The following ALAS2 variants were observed in gnomAD, a reference collection of about 807,000 sequenced individuals.
The protein encoded by ALAS2 is 5'-aminolevulinate synthase 2.
Under a neutral mutation model 33.7 loss-of-function variants are expected in ALAS2, and 3 were observed. The observed-to-expected ratio is 0.09, with a 90% CI of 0.04 to 0.23. ALAS2 has a LOEUF of 0.23. Ranked by LOEUF, ALAS2 falls within the 10% of genes least tolerant of loss-of-function variation. The pLI is 1.00. For missense variants in ALAS2, 304 were observed against 475.1 expected, an observed-to-expected ratio of 0.64 and a Z score of 3.35; for synonymous variants, 191 against 177.3, an observed-to-expected ratio of 1.08 and a Z score of -0.61.
At chrX:55,024,113 G>T (rs769516723) in intron 3 of ALAS2, among the ~76,000 whole-genome samples, 1 of 111,989 alleles carries the variant, frequency 8.9e-6, no homozygotes, top group Admixed American at 9.4e-5. Context: ...TTTTCCCTTG[G>T]CTCAGGTAAC....
At chrX:55,011,209 G>T (rs1935597005) in intron 10 of ALAS2, among the ~76,000 whole-genome samples, 1 of 111,590 alleles carries the variant, frequency 9.0e-6, no homozygotes, top group Non-Finnish European at 1.9e-5. Flanking sequence ...TCCAAATTTT[G>T]GACTATACAT....
At chrX:55,024,914 C>A (rs1472628296) in intron 2 of ALAS2, 74 bp from the exon 3 acceptor site, 3 of 1,143,874 alleles carry the variant, frequency 2.6e-6, no homozygotes, top group Non-Finnish European at 3.6e-6. Context: ...TTGCTGAGAT[C>A]TAATGTACCC....
chrX:55,011,765 C>T (rs763836767), intron 10 of ALAS2, among the ~76,000 whole-genome samples: 1 of 111,366 alleles, frequency 9.0e-6, no homozygotes, highest in African/African-American at 3.3e-5. Flanking sequence ...ACTGAGAGCT[C>T]TACAATTGAA....
chrX:55,017,436 G>A, intron 7 of ALAS2, 50 bp downstream of exon 7: 1 of 1,050,050 alleles, frequency 9.5e-7, no homozygotes, highest in Non-Finnish European at 1.3e-6. Flanking sequence ...TGATCATCAT[G>A]GTTTTTGTGA....
chrX:55,010,801 A>AT (rs1277210485), intron 10 of ALAS2, among the ~76,000 whole-genome samples: 8 of 111,086 alleles, frequency 7.2e-5, no homozygotes, highest in Admixed American at 5.8e-4. Context: ...ATTTTTGGTA[A>AT]TTTTTTTTAC....
At chrX:55,022,963 A>G (rs1935829172) in intron 4 of ALAS2, among the ~76,000 whole-genome samples, 1 of 111,877 alleles carries the variant, frequency 8.9e-6, no homozygotes, top group Non-Finnish European at 1.9e-5. Context: ...AATACTATAC[A>G]TTTTCTTTGA....
At chrX:55,010,186 A>G (rs1034578518) in intron 10 of ALAS2, among the ~76,000 whole-genome samples, 12 of 111,220 alleles carry the variant, frequency 1.1e-4, no homozygotes, top group Admixed American at 3.8e-4. Flanking sequence ...TCTACCTTCA[A>G]AATCTGACCA....
chrX:55,015,344 A>G (rs747253821), intron 8 of ALAS2, among the ~76,000 whole-genome samples: 15 of 111,482 alleles, frequency 1.3e-4, no homozygotes, highest in Non-Finnish European at 2.6e-4. Flanking sequence ...TCACATACTC[A>G]AGTTGAATCT....
chrX:55,017,845 C>G (rs1484990864), intron 6 of ALAS2, among the ~76,000 whole-genome samples, 180 bp from the exon 7 acceptor site: 1 of 112,054 alleles, frequency 8.9e-6, no homozygotes, highest in Non-Finnish European at 1.9e-5. Flanking sequence ...CTTCACTGTT[C>G]CCAAATTCTG....
In ALAS2 at chrX:55,013,665, G is replaced by A. The variant is rs369001852; in HGVS notation, c.1438-17C>T. 4 of 1,210,213 alleles carry A rather than the reference G, an allele frequency of 3.3e-6. No homozygotes were observed. The highest frequency in any genetic ancestry group is 5.9e-5 in the East Asian group (2 of 33,820). On this transcript the variant is annotated splice_polypyrimidine_tract_variant and intron_variant, in intron 9 of 10. Transcript: ENST00000650242. ...ATTGCCCACCTGGACTCAGGAGAAA[G>A]GCTAATCAGTACCTGCCACTCTGGC... is the stretch of plus-strand genomic sequence containing the variant.
In ALAS2 at chrX:55,025,868, C is replaced by G; in HGVS notation, c.133G>C (p.Gly45Arg). The change falls in exon 2 of 11, where the codon GGA (glycine) becomes CGA (arginine). Residue 45 changes from glycine (G) to arginine (R), a missense_variant. Transcript: ENST00000650242. ...IGRCPILATQ[G>R]PNCSQIHLKA... ...AGGTGGATTTGAGAACAGTTTGGTC[C>G]TTGGGTAGCCAGGATGGGACAGCGT... is the stretch of plus-strand genomic sequence containing the variant. 8.3e-7 allele frequency: 1 copy of G among 1,211,747 alleles called. No individual in the cohort carries two copies. The highest frequency in any genetic ancestry group is 1.1e-6 in the Non-Finnish European group (1 of 895,554).
intron 1 of ALAS2, chrX:55,027,965 C>T: frequency 4.2e-6 from 2 of 476,475 alleles, no homozygotes; most frequent in East Asian, 7.5e-5. Context: ...TAAATGTTAG[C>T]TTTTCTTATT....
Position 55,024,837 on chromosome X carries a change from G to A in ALAS2, c.185C>T (p.Ser62Phe), listed in dbSNP as rs746002853. Residue 62 changes from serine to phenylalanine, a missense_variant, in exon 3 of 11, where the codon TCT becomes TTT. Physicochemically the swap from Ser to Phe is radical, Grantham distance 155. Coordinates refer to ENST00000650242, the MANE Select transcript of ALAS2 (RefSeq NM_000032.5). ...ACAGTGGCCCTTCGCCCAAGATGGA[G>A]AATCTATGCAAAGGTAAGAGAGTAA... ...HLKATKAGGD[S>F]PSWAKGHCPF... 12 of 1,209,894 alleles carry A rather than the reference G, an allele frequency of 9.9e-6. No homozygotes were observed. The South Asian group carries it at 1.2e-4, about 12-fold the overall frequency.
At chrX:55,030,452 A>C (rs1313808480) in intron 1 of ALAS2, among the ~76,000 whole-genome samples, 1 of 111,422 alleles carries the variant, frequency 9.0e-6, no homozygotes, top group Non-Finnish European at 1.9e-5. Context: ...GCTCTGACCC[A>C]CTGAGCTCTG....
Position 55,023,860 on chromosome X carries a change from A to C in ALAS2, c.312T>G (p.Pro104=). Reference sequence around the variant, plus strand: ...TTAGGCTGACTGAGACCAGGGAGCTAGGCAGATCTGAGACGGAATGTGAGA... The same window carrying C: ...TTAGGCTGACTGAGACCAGGGAGCTCGGCAGATCTGAGACGGAATGTGAGA... ...EDVKAFKTDL[P]SSLVSVSLRK... is the part of the protein sequence containing the mutation. Residue 104 remains proline (P), a synonymous_variant, in exon 4 of 11, where the codon CCT becomes CCG. Coordinates refer to ENST00000650242, the MANE Select transcript of ALAS2 (RefSeq NM_000032.5). 2.5e-6 allele frequency: 3 copies of C among 1,204,362 alleles called. No individual in the cohort carries two copies. The highest frequency in any genetic ancestry group is 3.4e-6 in the Non-Finnish European group (3 of 889,196).
intron 6 of ALAS2, among the ~76,000 whole-genome samples, chrX:55,018,400 T>C (rs12011419): frequency 0.041 from 4,554 of 111,048 alleles, 238 homozygotes; most frequent in African/African-American, 0.14. Context: ...AAGGGATAAC[T>C]TCCACCTGAG....
chrX:55,029,174 A>G (rs1935947143), intron 1 of ALAS2, among the ~76,000 whole-genome samples: 1 of 112,110 alleles, frequency 8.9e-6, no homozygotes, highest in African/African-American at 3.2e-5. Flanking sequence ...ACATGAATAT[A>G]CCAGGCTGGG....
At position 55,009,294 on chromosome X, in the gene ALAS2, C is replaced by T; in HGVS notation, c.1650G>A (p.Val550=). 1 of 1,205,305 alleles carries T rather than the reference C, an allele frequency of 8.3e-7. No individual in the cohort carries two copies. Among genetic ancestry groups the T allele is most frequent in the East Asian group, 3.0e-5 (1 of 33,678 alleles). ...GACAGAAATTGCAGGCAGCCACAGA[C>T]ACATCCTGGAGGGGCAGCCCCACCG... ...WTAVGLPLQD[V]SVAACNFCRR... The change falls in exon 11 of 11, where the codon GTG becomes GTA. Residue 550 remains valine (V), a synonymous_variant. Coordinates refer to ENST00000650242, the MANE Select transcript of ALAS2 (RefSeq NM_000032.5).
chrX:55,027,194 A>G (rs1935907172), intron 1 of ALAS2, among the ~76,000 whole-genome samples: 1 of 111,503 alleles, frequency 9.0e-6, no homozygotes, highest in African/African-American at 3.3e-5. Context: ...ACAAAGATTC[A>G]TAGAAGTGAG....
Sources: allele counts gnomAD v4.1 joint callset (sites outside exome capture counted in the v4.1 genomes callset), GRCh38; gene constraint gnomAD v4.1.1; transcripts MANE v1.5; gene names NCBI Gene and HGNC (gene_info 2026-07-23, HGNC 2026-07-21).